OVCH2: variants seen among roughly 807,000 people sequenced by gnomAD.
OVCH2 encodes the protein ovochymase-2.
A neutral mutation model predicts 73.7 loss-of-function variants in OVCH2; 88 were observed. That is an observed-to-expected ratio of 1.19 (90% confidence interval 1.01 to 1.43). The LOEUF is 1.43. Ranked by LOEUF, OVCH2 falls within the 40% of genes most tolerant of loss-of-function variation. OVCH2 has a pLI of 0.00. For synonymous variants in OVCH2, 265 were observed against 234.5 expected (o/e 1.13, Z -1.19); for missense variants, 706 against 674.5 (o/e 1.05, Z -0.52).
chr11:7,685,225 C>CGAA (rs1232353563), downstream of OVCH2, among the ~76,000 whole-genome samples: 8 of 152,148 alleles, frequency 5.3e-5, no homozygotes, highest in African/African-American at 1.9e-4. Context: ...CATGCTGCTC[C>CGAA]TGGTAGGCAC....
chr11:7,689,894 G>T (rs1442454704), intron 15 of OVCH2, 30 bp downstream of exon 15: 1 of 1,255,560 alleles, frequency 8.0e-7, no homozygotes, highest in South Asian at 1.3e-5. Flanking sequence ...TATACTCTGT[G>T]TGTATCAATT....
Position 7,696,475 on chromosome 11 carries a change from G to A in OVCH2, c.1131C>T (p.Asp377=). 6.2e-7 allele frequency: 1 copy of A among 1,614,014 alleles called. No homozygotes were observed. Among genetic ancestry groups the A allele is most frequent in the Non-Finnish European group, 8.5e-7 (1 of 1,179,904 alleles). The change falls in exon 10 of 16, where the codon GAC becomes GAT. Residue 377 remains aspartate, a synonymous_variant. Transcript: ENST00000533663. Reference sequence around the variant, plus strand: ...TGAAAATCCACTCACCAATGGGTCTGTCTTCTAAAGAATACATTGACAGGT... The same window carrying A: ...TGAAAATCCACTCACCAATGGGTCTATCTTCTAAAGAATACATTGACAGGT... ...HSYLSMYSLE[D]RPIGKFCGES... is the part of the protein sequence containing the mutation.
chr11:7,694,672 CAGTGG>C (rs1856290846), intron 12 of OVCH2, among the ~76,000 whole-genome samples: 1 of 152,068 alleles, frequency 6.6e-6, no homozygotes, highest in Non-Finnish European at 1.5e-5. Flanking sequence ...GGCTGGAGTG[CAGTGG>C]CGCGATCTCG....
Position 7,702,216 on chromosome 11 carries a change from G to T in OVCH2, c.404C>A (p.Thr135Asn), listed in dbSNP as rs1252275109. ...ETVIIHPHFSTKKPMDYDIAL... is the reference protein window; with the variant it reads ...ETVIIHPHFSNKKPMDYDIAL... The stretch of plus-strand genomic sequence containing the variant: ...AATATCATAGTCCATTGGTTTCTTG[G>T]TGGAGAAATGTGGATGTATGATGAC... The change falls in exon 4 of 16, where the codon ACC (threonine) becomes AAC (asparagine). Residue 135 changes from threonine (T) to asparagine (N), a missense_variant. Transcript: ENST00000533663. 3 of 1,612,824 alleles carry T rather than the reference G, an allele frequency of 1.9e-6. No individual in the cohort carries two copies. The highest frequency in any genetic ancestry group is 2.5e-6 in the Non-Finnish European group (3 of 1,179,370).
At chr11:7,701,958 A>G (rs1856448472) in intron 4 of OVCH2, 147 bp from the exon 5 acceptor site, 1 of 838,226 alleles carries the variant, frequency 1.2e-6, no homozygotes, top group African/African-American at 1.7e-5. Flanking sequence ...TTACTTGTCA[A>G]TTAAAGAAAA....
the OVCH2 span, among the ~76,000 whole-genome samples, chr11:7,682,195 G>GA: frequency 2.6e-5 from 4 of 152,172 alleles, no homozygotes; most frequent in African/African-American, 7.2e-5. Context: ...GTTTGGAGAA[G>GA]AAAAAATCTC....
chr11:7,693,314 T>G (rs1161202527), intron 12 of OVCH2, among the ~76,000 whole-genome samples: 9 of 152,140 alleles, frequency 5.9e-5, no homozygotes, highest in Admixed American at 5.9e-4. Context: ...AGAAATAGGA[T>G]TCATTCAAAC....
intron 4 of OVCH2, 69 bp from the exon 5 acceptor site, chr11:7,701,880 T>C (rs1856446375): frequency 6.7e-6 from 9 of 1,334,496 alleles, no homozygotes; most frequent in East Asian, 2.5e-5. Context: ...CACTCACCAC[T>C]TGGTATCCAG....
chr11:7,701,977 T>G (rs1381428684), intron 4 of OVCH2, among the ~76,000 whole-genome samples, 166 bp from the exon 5 acceptor site: 1 of 152,220 alleles, frequency 6.6e-6, no homozygotes, highest in Non-Finnish European at 1.5e-5. Flanking sequence ...AACCTTCTCC[T>G]GACTCCATGT....
chr11:7,705,317 A>G (rs1856511825), intron 1 of OVCH2: 1 of 152,198 alleles, frequency 6.6e-6, no homozygotes, highest in Admixed American at 6.5e-5. Context: ...CAGAATTGTG[A>G]TAATGAATTA....
intron 1 of OVCH2, 85 bp downstream of exon 1, chr11:7,706,222 A>G (rs1856527313): frequency 1.5e-6 from 2 of 1,330,768 alleles, no homozygotes; most frequent in Non-Finnish European, 2.1e-6. Context: ...TATTTTCCCA[A>G]AGGAACATGG....
At chr11:7,700,170 G>T in intron 7 of OVCH2, 126 bp downstream of exon 7, 3 of 885,124 alleles carry the variant, frequency 3.4e-6, no homozygotes, top group Non-Finnish European at 5.1e-6. Flanking sequence ...CAATCCTTGT[G>T]TGCTACACTG....
rs776941277 is a variant in OVCH2, at chr11:7,698,750, C to G, written c.925G>C (p.Ala309Pro). The G allele has an allele frequency of 6.2e-7, 1 of 1,612,528 alleles. No individual in the cohort carries two copies. Residue 309 changes from alanine to proline, a missense_variant and splice_region_variant, in exon 8 of 16, where the codon GCC becomes CCC. By Grantham distance (27) the Ala-to-Pro change is conservative. Coordinates refer to ENST00000533663, the MANE Select transcript of OVCH2 (RefSeq NM_198185.7). ...QTGNRRKSSRAWCSEQDVIVS... is the reference protein window; with the variant it reads ...QTGNRRKSSRPWCSEQDVIVS... ...GGAGCAGCCTGCAAGGGATACCCAC[C>G]TCTGGAGCTCTTTCTCCGATTACCT... is the stretch of plus-strand genomic sequence containing the variant.
intron 8 of OVCH2, among the ~76,000 whole-genome samples, chr11:7,697,636 C>G (rs77390204): frequency 6.6e-6 from 1 of 152,164 alleles, no homozygotes; most frequent in African/African-American, 2.4e-5. Flanking sequence ...CTCTCATGCT[C>G]AAAACTTTGG....
chr11:7,689,905 G>A lies in OVCH2; in HGVS notation c.*31+19C>T, dbSNP rs1166037166. Reference sequence around the variant, plus strand: ...GGATTATACTCTGTGTGTATCAATTGGTCCCCAAAACAGCTTACCAGAAAC... The same window carrying A: ...GGATTATACTCTGTGTGTATCAATTAGTCCCCAAAACAGCTTACCAGAAAC... On this transcript the variant is annotated intron_variant, in intron 15 of 15. Coordinates refer to ENST00000533663, the MANE Select transcript of OVCH2 (RefSeq NM_198185.7). 3.7e-6 allele frequency: 5 copies of A among 1,360,032 alleles called. No homozygotes were observed. The highest frequency in any genetic ancestry group is 5.1e-6 in the Non-Finnish European group (5 of 987,070). The allele number at this position is 1,360,032 out of a possible 1,614,324, so 84.2% of individuals were successfully genotyped here. A position where few individuals can be genotyped will look rare whatever the true frequency, so the allele number is the denominator to read the frequency against.
At chr11:7,702,075 G>C in intron 4 of OVCH2, 82 bp downstream of exon 4, 1 of 1,266,482 alleles carries the variant, frequency 7.9e-7, no homozygotes, top group Admixed American at 2.3e-5. Flanking sequence ...GACCCAGAAC[G>C]TATACTGCAG....
intron 12 of OVCH2, among the ~76,000 whole-genome samples, chr11:7,692,326 T>C (rs1856238205): frequency 6.6e-6 from 1 of 152,178 alleles, no homozygotes; most frequent in Admixed American, 6.5e-5. Context: ...CTCAACTAAT[T>C]GCATATACAC....
At position 7,704,672 on chromosome 11, in the gene OVCH2, G is replaced by C; in HGVS notation, c.91C>G (p.Pro31Ala). 2 of 1,604,362 alleles carry C rather than the reference G, an allele frequency of 1.2e-6. No individual in the cohort carries two copies. Among genetic ancestry groups the C allele is most frequent in the Non-Finnish European group, 1.7e-6 (2 of 1,174,132 alleles). ...KSATLSLPKA[P>A]SCGQSLVKVQ... The stretch of plus-strand genomic sequence containing the variant: ...TTAACCAGACTCTGCCCACAACTGG[G>C]AGCTGAGAAAAAAACGAGACAAACT... Residue 31 changes from proline (P) to alanine (A), a missense_variant and splice_region_variant, in exon 2 of 16, where the codon CCC (proline) becomes GCC (alanine). By Grantham distance (27) the Pro-to-Ala change is conservative. Transcript: ENST00000533663.
downstream of OVCH2, among the ~76,000 whole-genome samples, chr11:7,688,509 G>A (rs1353589216): frequency 1.3e-5 from 2 of 152,128 alleles, no homozygotes; most frequent in Non-Finnish European, 2.9e-5. Context: ...TTTGCATCAT[G>A]AGGTCATTGT....
Sources: allele counts gnomAD v4.1 joint callset (sites outside exome capture counted in the v4.1 genomes callset), GRCh38; gene constraint gnomAD v4.1.1; transcripts MANE v1.5; gene names NCBI Gene and HGNC (gene_info 2026-07-23, HGNC 2026-07-21).